The following SAMD5 variants were observed in gnomAD, a reference collection of about 807,000 sequenced individuals.
SAMD5 encodes sterile alpha motif domain-containing protein 5.
Under a neutral mutation model 11.3 loss-of-function variants are expected in SAMD5, and 13 were observed. The observed-to-expected ratio is 1.15, with a 90% CI of 0.75 to 1.83. The LOEUF is 1.83. Among genes scored for constraint, SAMD5 ranks in the 40% most tolerant of loss-of-function variants. The pLI is 0.00. For synonymous variants in SAMD5, 129 were observed against 111.3 expected (o/e 1.16, Z -1.00); for missense variants, 255 against 239.1 (o/e 1.07, Z -0.44).
rs527845692 is a variant in SAMD5, at chr6:147,685,516, G to A, written c.163-51801G>A. 9.5e-4 allele frequency among the ~76,000 whole-genome samples: 145 copies of A among 152,132 alleles called. 1 individual carries two copies. The highest frequency in any genetic ancestry group is 2.9e-3 in the Admixed American group (45 of 15,264). On this transcript the variant is annotated intron_variant, in intron 1 of 1. Transcript: ENST00000566741. ...TCTTTTGCTGGAGTCGCTTCCTCTG[G>A]GACATCTTAATTCTTTTCATCACAG...
At chr6:147,942,823 C>T in the SAMD5 span, among the ~76,000 whole-genome samples, 59 of 128,824 alleles carry the variant, frequency 4.6e-4, no homozygotes, top group Admixed American at 4.9e-4. Flanking sequence ...CCCAATGCTT[C>T]TTTTTTTTTT....
intron 1 of SAMD5, among the ~76,000 whole-genome samples, chr6:147,540,682 C>T (rs1004109799): frequency 6.6e-5 from 10 of 152,032 alleles, no homozygotes; most frequent in African/African-American, 1.4e-4. Flanking sequence ...GATTTGCTAC[C>T]GCCTAAGACG....
the SAMD5 span, among the ~76,000 whole-genome samples, chr6:147,878,596 C>CATATATATCTATATAGATATAT: frequency 7.0e-6 from 1 of 143,672 alleles, no homozygotes; most frequent in East Asian, 2.0e-4. Flanking sequence ...GATATATATA[C>CATATATATCTATATAGATATAT]ATATATATCT....
chr6:147,934,779 G>A, the SAMD5 span, among the ~76,000 whole-genome samples: 5 of 152,240 alleles, frequency 3.3e-5, no homozygotes, highest in Non-Finnish European at 5.9e-5. Flanking sequence ...TGAAGAAAAC[G>A]TGCATGAAGG....
intron 1 of SAMD5, among the ~76,000 whole-genome samples, chr6:147,606,067 A>G (rs1448620304): frequency 6.6e-6 from 1 of 152,140 alleles, no homozygotes; most frequent in African/African-American, 2.4e-5. Context: ...TCCCACAGAC[A>G]GAATTAGGTT....
chr6:147,810,694 C>G, the SAMD5 span, among the ~76,000 whole-genome samples: 248 of 152,294 alleles, frequency 1.6e-3, no homozygotes, highest in African/African-American at 5.8e-3. Flanking sequence ...TTCGGTAGCG[C>G]TGGCAACAGG....
chr6:147,673,559 A>G (rs1790824775), intron 1 of SAMD5, among the ~76,000 whole-genome samples: 1 of 152,138 alleles, frequency 6.6e-6, no homozygotes, highest in African/African-American at 2.4e-5. Context: ...CTTTTGGAAA[A>G]TGATACTTGT....
intron 1 of SAMD5, among the ~76,000 whole-genome samples, chr6:147,659,403 T>C (rs1790615535): frequency 6.6e-6 from 1 of 152,176 alleles, no homozygotes; most frequent in Admixed American, 6.5e-5. Flanking sequence ...CTCAAAAGAA[T>C]ATATAATGAG....
chr6:147,788,462 G>T, the SAMD5 span, among the ~76,000 whole-genome samples: 1 of 152,110 alleles, frequency 6.6e-6, no homozygotes, highest in African/African-American at 2.4e-5. Context: ...TTCCCATGAG[G>T]ATTATAGATG....
At chr6:147,659,260 T>TA (rs5880726) in intron 1 of SAMD5, among the ~76,000 whole-genome samples, 74,621 of 151,172 alleles carry the variant, frequency 0.49, 19,184 homozygotes, top group Middle Eastern at 0.59. Flanking sequence ...TCAGTACATT[T>TA]AAAAAAAAAT....
the SAMD5 span, among the ~76,000 whole-genome samples, chr6:147,949,231 A>C: frequency 2.0e-5 from 3 of 152,162 alleles, no homozygotes; most frequent in African/African-American, 7.2e-5. Flanking sequence ...TGCAGGTTTG[A>C]AAAGGCCAGG....
chr6:147,570,412 A>G (rs147415487), downstream of SAMD5, among the ~76,000 whole-genome samples: 2 of 152,180 alleles, frequency 1.3e-5, no homozygotes, highest in East Asian at 3.9e-4. Flanking sequence ...AATCTCTATC[A>G]CCTGAAATGT....
the SAMD5 span, among the ~76,000 whole-genome samples, chr6:147,944,734 T>C: frequency 1.3e-5 from 2 of 152,198 alleles, no homozygotes; most frequent in Non-Finnish European, 2.9e-5. Flanking sequence ...GTTGTCGAAA[T>C]TTCTTCAACA....
chr6:147,923,091 T>C, the SAMD5 span, among the ~76,000 whole-genome samples: 1 of 151,980 alleles, frequency 6.6e-6, no homozygotes, highest in Non-Finnish European at 1.5e-5. Context: ...AACAAACCAA[T>C]AGAGAAGCAA....
chr6:147,671,731 C>T (rs562463326), intron 1 of SAMD5, among the ~76,000 whole-genome samples: 5 of 151,960 alleles, frequency 3.3e-5, no homozygotes, highest in Non-Finnish European at 5.9e-5. Context: ...TTTATGTGTC[C>T]GTCCTATTTT....
intron 1 of SAMD5, among the ~76,000 whole-genome samples, chr6:147,664,467 T>C (rs9390488): frequency 0.4 from 60,767 of 151,954 alleles, 12,495 homozygotes; most frequent in East Asian, 0.54. Context: ...CGTTTCTCAG[T>C]GATACCCAAG....
At chr6:147,744,128 A>G in the SAMD5 span, among the ~76,000 whole-genome samples, 1 of 152,222 alleles carries the variant, frequency 6.6e-6, no homozygotes, top group Non-Finnish European at 1.5e-5. Context: ...AAATGGTTAG[A>G]TCAAGTGAAC....
chr6:147,752,979 A>G, the SAMD5 span, among the ~76,000 whole-genome samples: 1 of 152,192 alleles, frequency 6.6e-6, no homozygotes, highest in Non-Finnish European at 1.5e-5. Flanking sequence ...GACTGCATTT[A>G]TTTTTGCCTT....
intron 1 of SAMD5, among the ~76,000 whole-genome samples, chr6:147,646,030 C>A (rs62436296): frequency 2.7e-4 from 4 of 14,712 alleles, no homozygotes; most frequent in Admixed American, 5.4e-4. Context: ...ATCTATGTAT[C>A]TATCTATCTA....
Sources: allele counts gnomAD v4.1 joint callset (sites outside exome capture counted in the v4.1 genomes callset), GRCh38; gene constraint gnomAD v4.1.1; transcripts MANE v1.5; gene names NCBI Gene and HGNC (gene_info 2026-07-23, HGNC 2026-07-21).